PIGQ: variants seen among roughly 807,000 people sequenced by gnomAD.
The protein encoded by PIGQ is phosphatidylinositol N-acetylglucosaminyltransferase subunit Q.
PIGQ carries 54 observed loss-of-function variants against 60.3 expected under a neutral mutation model. The ratio of observed to expected loss-of-function variants is 0.90; its 90% CI spans 0.72 to 1.12. PIGQ has a LOEUF of 1.12. Among genes scored for constraint, PIGQ ranks in the 50% most tolerant of loss-of-function variants. The pLI is 0.00. For synonymous variants in PIGQ, 416 were observed against 363.7 expected, an observed-to-expected ratio of 1.14 and a Z score of -1.64; for missense variants, 799 against 793.5, an observed-to-expected ratio of 1.01 and a Z score of -0.08.
chr16:576,278 G>A (rs1466481292), intron 4 of PIGQ, 24 bp downstream of exon 4: 15 of 1,548,810 alleles, frequency 9.7e-6, no homozygotes, highest in East Asian at 2.4e-5. Flanking sequence ...GGTGGAGCCC[G>A]GTGTCCCGGG....
chr16:583,663 C>A lies in PIGQ; in HGVS notation c.*628C>A. 1.2e-6 allele frequency: 2 copies of A among 1,610,570 alleles called. No homozygotes were observed. The highest frequency in any genetic ancestry group is 1.7e-6 in the Non-Finnish European group (2 of 1,178,934). On this transcript the variant is annotated 3_prime_UTR_variant, in exon 11 of 11. Transcript: ENST00000321878. ...AACCATCAGCAGGCTGTGAGCATCG[C>A]CAGGCTGCTGTGGGGGCGGGAGCAG...
intron 4 of PIGQ, chr16:578,145 G>T: frequency 2.1e-6 from 1 of 486,648 alleles, no homozygotes; most frequent in East Asian, 3.6e-5. Flanking sequence ...GATGCCCTGT[G>T]GGCCCGGCCA....
In PIGQ at chr16:574,640, G is replaced by A. The variant is rs1159912419; in HGVS notation, c.566G>A (p.Ser189Asn). 2.5e-6 allele frequency: 4 copies of A among 1,608,046 alleles called. No individual in the cohort carries two copies. Among genetic ancestry groups the A allele is most frequent in the South Asian group, 1.1e-5 (1 of 90,264 alleles). ...TTTGATGAGGGCCCCGTGCGGCTGA[G>A]CCACTGGCAGTCGGAGGGCGTGGAG... ...DRFDEGPVRL[S>N]HWQSEGVEAS... is the part of the protein sequence containing the mutation. The change falls in exon 2 of 11, where the codon AGC becomes AAC. Residue 189 changes from serine (S) to asparagine (N), a missense_variant. Physicochemically the swap from Ser to Asn is conservative, Grantham distance 46 (BLOSUM62 1). Transcript: ENST00000321878.
chr16:576,099 A>G, intron 3 of PIGQ, 35 bp from the exon 4 acceptor site: 2 of 1,544,776 alleles, frequency 1.3e-6, no homozygotes, highest in East Asian at 4.9e-5. Context: ...TGTGCTGGCC[A>G]CCCTCATGCC....
intron 9 of PIGQ, 80 bp downstream of exon 9, chr16:581,052 G>C: frequency 7.6e-7 from 1 of 1,324,178 alleles, no homozygotes; most frequent in South Asian, 1.2e-5. Context: ...AGCAAGGACA[G>C]CATGGGCCAC....
intron 2 of PIGQ, among the ~76,000 whole-genome samples, chr16:575,608 CG>C (rs2035703324): frequency 6.6e-6 from 1 of 152,138 alleles, no homozygotes; most frequent in African/African-American, 2.4e-5. Flanking sequence ...CCAGGTGGCC[CG>C]GGGTCAGCAC....
chr16:572,705 C>T (rs1431868134), intron 1 of PIGQ: 2 of 456,100 alleles, frequency 4.4e-6, no homozygotes, highest in South Asian at 1.5e-5. Flanking sequence ...GACCTCCAGG[C>T]GTCCCGCTCT....
intron 1 of PIGQ, 135 bp from the exon 2 acceptor site, chr16:573,931 C>G (rs2035672388): frequency 6.4e-6 from 4 of 627,570 alleles, no homozygotes; most frequent in Admixed American, 5.9e-5. Context: ...CGGCGTCCAC[C>G]ACCGAACTTG....
At position 583,371 on chromosome 16, in the gene PIGQ, G is replaced by A. The variant is rs775500282; in HGVS notation, c.*336G>A. ...CACCCTGTGTACCCAGGTCCAGAGG[G>A]TCCGTCCACCACAGCAGCCCCAGGT... is the stretch of plus-strand genomic sequence containing the variant. On this transcript the variant is annotated 3_prime_UTR_variant, in exon 11 of 11. Transcript: ENST00000321878. 2 of 1,612,576 alleles carry A rather than the reference G, an allele frequency of 1.2e-6. No homozygotes were observed. Among genetic ancestry groups the A allele is most frequent in the Non-Finnish European group, 1.7e-6 (2 of 1,179,800 alleles).
In PIGQ at chr16:578,971, C is replaced by T. The variant is rs1567176723; in HGVS notation, c.1223+33C>T. The T allele has an allele frequency of 3.4e-6, 5 of 1,481,644 alleles. No individual in the cohort carries two copies. The South Asian group carries it at 5.7e-5, about 17-fold the overall frequency. 91.8% of individuals were successfully genotyped at this position (1,481,644 alleles called of 1,614,324 possible). A position where few individuals can be genotyped will look rare whatever the true frequency, so the allele number is the denominator to read the frequency against. On this transcript the variant is annotated intron_variant, in intron 6 of 10. Coordinates refer to ENST00000321878, the MANE Select transcript of PIGQ (RefSeq NM_004204.5). Reference sequence around the variant, plus strand: ...TGGGCTTCCCCCTCCCCACCGCCCCCTGGGAGGTGCAGAGGCTCCGGCTGG... The same window carrying T: ...TGGGCTTCCCCCTCCCCACCGCCCCTTGGGAGGTGCAGAGGCTCCGGCTGG...
intron 7 of PIGQ, 160 bp downstream of exon 7, chr16:579,340 C>T (rs890090901): frequency 2.6e-5 from 16 of 624,482 alleles, no homozygotes; most frequent in Non-Finnish European, 2.8e-6. Context: ...GTGTGGGCTG[C>T]ACGTGGGGCT....
Position 582,880 on chromosome 16 carries a change from C to T in PIGQ, c.1594-3C>T, listed in dbSNP as rs767006001. 3.8e-6 allele frequency: 6 copies of T among 1,593,626 alleles called. No homozygotes were observed. The highest frequency in any genetic ancestry group is 1.7e-5 in the Admixed American group (1 of 59,316). On this transcript the variant is annotated splice_polypyrimidine_tract_variant and splice_region_variant and intron_variant, in intron 10 of 10. Transcript: ENST00000321878. ...CCACTGACCGCTGCCCTTGTCCTTC[C>T]AGATAAACCCACTGCCCTACAGCCG...
Position 576,274 on chromosome 16 carries a change from G to A in PIGQ, c.942+20G>A, listed in dbSNP as rs1175564607. ...GCTGACGTGAGTGGACTGGGGTGGA[G>A]CCCGGTGTCCCGGGTGGGCGTGGGG... On this transcript the variant is annotated intron_variant, in intron 4 of 10. Coordinates refer to ENST00000321878, the MANE Select transcript of PIGQ (RefSeq NM_004204.5). The A allele has an allele frequency of 6.4e-7, 1 of 1,551,892 alleles. No homozygotes were observed. The highest frequency in any genetic ancestry group is 8.7e-7 in the Non-Finnish European group (1 of 1,148,530).
intron 1 of PIGQ, among the ~76,000 whole-genome samples, 166 bp from the exon 2 acceptor site, chr16:573,900 G>C (rs1193480482): frequency 6.6e-6 from 1 of 152,224 alleles, no homozygotes; most frequent in Non-Finnish European, 1.5e-5. Context: ...GCCCACGCGA[G>C]GCGGCAGCCA....
chr16:571,234 T>TGTGTCTGGCTAGC (rs2035618732), intron 1 of PIGQ, among the ~76,000 whole-genome samples: 6 of 838 alleles, frequency 7.2e-3, no homozygotes, highest in Admixed American at 0.02. Context: ...TTAGCCTGTG[T>TGTGTCTGGCTAGC]GTGTGTGTGT....
rs938154318 is a variant in PIGQ, at chr16:570,045, C to A, written c.-61C>A. 6 of 150,000 alleles carry A rather than the reference C, an allele frequency of 4.0e-5. No individual in the cohort carries two copies. The highest frequency in any genetic ancestry group is 6.0e-5 in the Non-Finnish European group (4 of 67,188). The allele number at this position is 150,000 out of a possible 1,614,324, so 9.3% of individuals were successfully genotyped here. A position where few individuals can be genotyped will look rare whatever the true frequency, so the allele number is the denominator to read the frequency against. On this transcript the variant is annotated 5_prime_UTR_variant, in exon 1 of 11. Coordinates refer to ENST00000321878, the MANE Select transcript of PIGQ (RefSeq NM_004204.5). ...CTGCCCGGGCCCGCCCATCGGGGTC[C>A]CCAACCCCATCCGGACCCCGCCGCC...
At position 578,130 on chromosome 16, in the gene PIGQ, A is replaced by G. The variant is rs3752567; in HGVS notation, c.943-249A>G. 206,495 of 439,598 alleles carry G rather than the reference A, an allele frequency of 0.47. 50,636 individuals carry two copies. Among genetic ancestry groups the G allele is most frequent in the East Asian group, 0.68 (16,540 of 24,366 alleles). The allele number at this position is 439,598 out of a possible 1,614,324, so 27.2% of individuals were successfully genotyped here. On this transcript the variant is annotated intron_variant, in intron 4 of 10. Transcript: ENST00000321878. ...TAGAGGTGGGTGCAGGCAGGGGGCC[A>G]CGCGGATGCCCTGTGGGCCCGGCCA...
chr16:575,982 C>T lies in PIGQ; in HGVS notation c.821+12C>T, dbSNP rs1418440928. The T allele has an allele frequency of 6.3e-7, 1 of 1,578,048 alleles. No homozygotes were observed. On this transcript the variant is annotated intron_variant, in intron 3 of 10. Coordinates refer to ENST00000321878, the MANE Select transcript of PIGQ (RefSeq NM_004204.5). The stretch of plus-strand genomic sequence containing the variant: ...GCCCAGCTGATGAGGTGTGGGCCTG[C>T]CCTGGTCTCTGCAGGGCTGGGTGCG...
In PIGQ at chr16:583,764, G is replaced by C; in HGVS notation, c.*729G>C. 1 of 1,048,550 alleles carries C rather than the reference G, an allele frequency of 9.5e-7. No individual in the cohort carries two copies. The highest frequency in any genetic ancestry group is 1.4e-6 in the Non-Finnish European group (1 of 690,310). 65.0% of individuals were successfully genotyped at this position (1,048,550 alleles called of 1,614,324 possible). On this transcript the variant is annotated 3_prime_UTR_variant, in exon 11 of 11. Transcript: ENST00000321878. Reference sequence around the variant, plus strand: ...GGTGCCCCGTAGCAGCAGGTCCTGCGGCCAAATCTGTCTCCCTTCATGGGC... The same window carrying C: ...GGTGCCCCGTAGCAGCAGGTCCTGCCGCCAAATCTGTCTCCCTTCATGGGC...
Sources: allele counts gnomAD v4.1 joint callset (sites outside exome capture counted in the v4.1 genomes callset), GRCh38; gene constraint gnomAD v4.1.1; transcripts MANE v1.5; gene names NCBI Gene and HGNC (gene_info 2026-07-23, HGNC 2026-07-21).